The following CDS1 variants were observed in gnomAD, a reference collection of about 807,000 sequenced individuals.
CDS1 encodes CDP-diacylglycerol synthase 1.
In CDS1, 41 loss-of-function variants were observed where a neutral mutation model predicts 62.1. The observed-to-expected ratio is 0.66, with a 90% CI of 0.51 to 0.86. CDS1 has a LOEUF of 0.86. Ranked by LOEUF, CDS1 falls within the 40% of genes least tolerant of loss-of-function variation. CDS1 has a pLI of 0.00. For missense variants in CDS1, 470 were observed against 550.1 expected (o/e 0.85, Z 1.46); for synonymous variants, 185 against 192.6 (o/e 0.96, Z 0.32).
chr4:84,634,836 G>T (rs1724128263), intron 7 of CDS1, among the ~76,000 whole-genome samples: 1 of 152,092 alleles, frequency 6.6e-6, no homozygotes, highest in South Asian at 2.1e-4. Context: ...ATTAATAATT[G>T]AGAATATGTA....
In CDS1 at chr4:84,648,708, C is replaced by A; in HGVS notation, c.*22C>A. 2 of 1,598,672 alleles carry A rather than the reference C, an allele frequency of 1.3e-6. No homozygotes were observed. The highest frequency in any genetic ancestry group is 1.7e-4 in the Middle Eastern group (1 of 5,988). Reference sequence around the variant, plus strand: ...ATAACTGGATCCAGAGAGGGAAGGACTGACAAGAAGGAATTATTCAGAAAA... The same window carrying A: ...ATAACTGGATCCAGAGAGGGAAGGAATGACAAGAAGGAATTATTCAGAAAA... On this transcript the variant is annotated 3_prime_UTR_variant, in exon 13 of 13. Transcript: ENST00000295887.
chr4:84,589,856 G>C (rs1272391740), intron 1 of CDS1, among the ~76,000 whole-genome samples: 13 of 152,130 alleles, frequency 8.5e-5, no homozygotes, highest in Admixed American at 8.5e-4. Flanking sequence ...TGTTGCCCAG[G>C]CTGGAGTGCA....
At chr4:84,601,512 G>A (rs892011940) in intron 1 of CDS1, among the ~76,000 whole-genome samples, 1 of 152,172 alleles carries the variant, frequency 6.6e-6, no homozygotes, top group Non-Finnish European at 1.5e-5. Flanking sequence ...ATGAGATCAC[G>A]TGGTGGTGGG....
At chr4:84,636,728 T>C (rs1046583825) in intron 8 of CDS1, among the ~76,000 whole-genome samples, 1 of 152,108 alleles carries the variant, frequency 6.6e-6, no homozygotes, top group Non-Finnish European at 1.5e-5. Context: ...TTTCACCATG[T>C]TGGCCAGGCT....
chr4:84,603,359 G>A (rs907194654), intron 1 of CDS1, among the ~76,000 whole-genome samples: 1 of 152,140 alleles, frequency 6.6e-6, no homozygotes, highest in Admixed American at 6.6e-5. Flanking sequence ...TCCTCTGTAA[G>A]CCATTCTCCC....
chr4:84,598,703 G>A (rs1373978914), intron 1 of CDS1, among the ~76,000 whole-genome samples: 1 of 152,060 alleles, frequency 6.6e-6, no homozygotes, highest in Non-Finnish European at 1.5e-5. Context: ...TAACTTCGGG[G>A]CTCAAGAGGC....
chr4:84,604,920 T>C (rs564092495), intron 2 of CDS1, among the ~76,000 whole-genome samples: 67 of 152,310 alleles, frequency 4.4e-4, no homozygotes, highest in African/African-American at 1.6e-3. Flanking sequence ...ACCAGGCCAG[T>C]ATTTTCTTTT....
chr4:84,620,217 TTG>T (rs1441603467), intron 5 of CDS1, among the ~76,000 whole-genome samples: 5 of 142,398 alleles, frequency 3.5e-5, no homozygotes, highest in African/African-American at 1.5e-4. Context: ...GGGTAATTAG[TTG>T]TTTTTTTTTT....
At chr4:84,642,396 C>G (rs776485405) in intron 10 of CDS1, among the ~76,000 whole-genome samples, 2 of 151,426 alleles carry the variant, frequency 1.3e-5, no homozygotes, top group Non-Finnish European at 2.9e-5. Flanking sequence ...TTTGCACTGT[C>G]TATAAATTGT....
intron 5 of CDS1, among the ~76,000 whole-genome samples, chr4:84,627,025 A>C (rs1200622651): frequency 6.6e-6 from 1 of 152,186 alleles, no homozygotes; most frequent in African/African-American, 2.4e-5. Context: ...TAACATTGAG[A>C]TATTTGTACC....
intron 2 of CDS1, among the ~76,000 whole-genome samples, chr4:84,606,947 A>G (rs1342670706): frequency 2.0e-5 from 3 of 152,200 alleles, no homozygotes; most frequent in Non-Finnish European, 4.4e-5. Flanking sequence ...TAATCCATCC[A>G]TTAATCCACA....
chr4:84,617,995 A>G (rs762207280), intron 4 of CDS1, among the ~76,000 whole-genome samples: 2 of 152,198 alleles, frequency 1.3e-5, no homozygotes, highest in Non-Finnish European at 2.9e-5. Context: ...ATATTTACAT[A>G]TAATCTTTTC....
At position 84,650,223 on chromosome 4, in the gene CDS1, A is replaced by G. The variant is rs914215801; in HGVS notation, c.*1537A>G. On this transcript the variant is annotated 3_prime_UTR_variant, in exon 13 of 13. Transcript: ENST00000295887. ...AGCCAGCACCTCCTCACATGCACAC[A>G]TGATTAGACATAGGTGCACTCGGTA... is the stretch of plus-strand genomic sequence containing the variant. 2.0e-5 allele frequency: 3 copies of G among 152,198 alleles called. No homozygotes were observed. Among genetic ancestry groups the G allele is most frequent in the African/African-American group, 4.8e-5 (2 of 41,454 alleles). The allele number at this position is 152,198 out of a possible 1,614,324, so 9.4% of individuals were successfully genotyped here. A position where few individuals can be genotyped will look rare whatever the true frequency, so the allele number is the denominator to read the frequency against.
Position 84,609,445 on chromosome 4 carries a change from A to G in CDS1, c.262A>G (p.Ile88Val), listed in dbSNP as rs1723245941. ...TCTTTGTAGGTGGAAAAACTGGTGG[A>G]TACGTGGAATTCTCACTCTAACTAT... ...GLSSRWKNWW[I>V]RGILTLTMIS... The change falls in exon 3 of 13, where the codon ATA (isoleucine) becomes GTA (valine). Residue 88 changes from isoleucine (I) to valine (V), a missense_variant. By Grantham distance (29) the Ile-to-Val change is conservative. Around this residue, in one of 5 missense-constraint regions of CDS1, gnomAD observed 150 missense variants for 142.0 expected, o/e 1.06. Coordinates refer to ENST00000295887, the MANE Select transcript of CDS1 (RefSeq NM_001263.4). The G allele has an allele frequency of 6.2e-7, 1 of 1,606,634 alleles. No individual in the cohort carries two copies. The highest frequency in any genetic ancestry group is 1.3e-5 in the African/African-American group (1 of 74,786).
chr4:84,596,645 T>G (rs1722760170), intron 1 of CDS1, among the ~76,000 whole-genome samples: 1 of 152,180 alleles, frequency 6.6e-6, no homozygotes, highest in South Asian at 2.1e-4. Flanking sequence ...GCCCACTTCC[T>G]TAATTCTCCC....
chr4:84,627,875 A>G (rs1302712008), intron 5 of CDS1, among the ~76,000 whole-genome samples: 1 of 152,206 alleles, frequency 6.6e-6, no homozygotes, highest in Non-Finnish European at 1.5e-5. Flanking sequence ...AACTACTTAA[A>G]ATTTCTGAAT....
intron 1 of CDS1, among the ~76,000 whole-genome samples, chr4:84,593,713 A>C (rs533842558): frequency 3.4e-4 from 52 of 152,186 alleles, no homozygotes; most frequent in African/African-American, 1.2e-3. Flanking sequence ...CATGTTGGCC[A>C]AGCTGGTCTC....
At chr4:84,599,630 GTA>G (rs543750981) in intron 1 of CDS1, among the ~76,000 whole-genome samples, 2,366 of 149,840 alleles carry the variant, frequency 0.016, 63 homozygotes, top group African/African-American at 0.053. Flanking sequence ...ACGTGTGTGT[GTA>G]TATATATATA....
chr4:84,646,683 T>TCAAA (rs1724567408), intron 12 of CDS1, among the ~76,000 whole-genome samples: 1 of 152,234 alleles, frequency 6.6e-6, no homozygotes, highest in Non-Finnish European at 1.5e-5. Flanking sequence ...AGATCTATTC[T>TCAAA]GTGGTACAGC....
Sources: gnomAD v4.1 joint callset for allele counts (sites outside exome capture counted in the v4.1 genomes callset) on GRCh38, gnomAD v4.1.1 for gene constraint, gnomAD v4.1.1 regional missense constraint, MANE v1.5 for transcripts, NCBI Gene and HGNC (gene_info 2026-07-23, HGNC 2026-07-21) for gene names.